Variants in ATF7IP observed in about 807,000 individuals in gnomAD.
ATF7IP encodes activating transcription factor 7-interacting protein 1.
In ATF7IP, 23 loss-of-function variants were observed where a neutral mutation model predicts 106.4. The ratio of observed to expected loss-of-function variants is 0.22; its 90% CI spans 0.16 to 0.31. The LOEUF (loss-of-function observed/expected upper bound fraction) is 0.31. Among genes scored for constraint, ATF7IP ranks in the 10% least tolerant of loss-of-function variants. The probability of loss-of-function intolerance (pLI) is 1.00; values close to 1 mark genes in which losing one functional copy is unlikely to be tolerated. For missense variants in ATF7IP, 1,334 were observed against 1,524.3 expected, an observed-to-expected ratio of 0.88 and a Z score of 2.08; for synonymous variants, 542 against 539.0, an observed-to-expected ratio of 1.01 and a Z score of -0.08.
chr12:14,423,664 A>C (rs1419518944), intron 1 of ATF7IP: 1 of 286,428 alleles, frequency 3.5e-6, no homozygotes, highest in South Asian at 1.0e-4. Flanking sequence ...GGAAAAAAAA[A>C]CTTGTCCCTT....
intron 10 of ATF7IP, among the ~76,000 whole-genome samples, chr12:14,471,334 C>T (rs1369212999): frequency 6.6e-6 from 1 of 151,970 alleles, no homozygotes; most frequent in Admixed American, 6.6e-5. Flanking sequence ...CTGATTATTG[C>T]CTTTTGCTGT....
chr12:14,472,780 C>G (rs1314023971), intron 10 of ATF7IP, among the ~76,000 whole-genome samples: 1 of 151,932 alleles, frequency 6.6e-6, no homozygotes, highest in Non-Finnish European at 1.5e-5. Context: ...GTTCAAATCT[C>G]TGTTCATCTT....
intron 5 of ATF7IP, among the ~76,000 whole-genome samples, chr12:14,444,148 A>T (rs1372527891): frequency 6.6e-6 from 1 of 152,214 alleles, no homozygotes. Flanking sequence ...ACTCTGGAAT[A>T]TAACATTCCG....
intron 1 of ATF7IP, among the ~76,000 whole-genome samples, chr12:14,423,071 T>C (rs1941619786): frequency 6.6e-6 from 1 of 152,174 alleles, no homozygotes; most frequent in Non-Finnish European, 1.5e-5. Context: ...TCTCGTTGAT[T>C]GTAGCCGTCC....
At chr12:14,470,706 A>T (rs1446024125) in intron 10 of ATF7IP, among the ~76,000 whole-genome samples, 1 of 152,352 alleles carries the variant, frequency 6.6e-6, no homozygotes, top group East Asian at 1.9e-4. Flanking sequence ...CATGTAAAGC[A>T]TTTAGCACAG....
rs1555142215 is a variant in ATF7IP at position 14,494,332 on chromosome 12, T to TC, written c.3281-1899_3281-1898insC. 4.6e-4 allele frequency among the ~76,000 whole-genome samples: 53 copies of TC among 115,762 alleles called. 1 individual carries two copies. The highest frequency in any genetic ancestry group is 7.4e-4 in the Non-Finnish European group (41 of 55,524). The allele number at this position is 115,762 out of a possible 152,430, so 75.9% of individuals were successfully genotyped here. The stretch of plus-strand genomic sequence containing the variant: ...ATATATATATATATATATATATATA[T>TC]ATGTGTGTGTGTATATGTATATATA... On this transcript the variant is annotated intron_variant, in intron 13 of 14. Coordinates refer to ENST00000261168, the MANE Select transcript of ATF7IP (RefSeq NM_018179.5).
At chr12:14,437,835 C>T (rs536714256) in intron 4 of ATF7IP, among the ~76,000 whole-genome samples, 8 of 152,154 alleles carry the variant, frequency 5.3e-5, no homozygotes, top group Admixed American at 2.0e-4. Context: ...GGGCGGATCA[C>T]GAGGTCAGGA....
At chr12:14,488,777 C>T (rs533703090) in intron 13 of ATF7IP, among the ~76,000 whole-genome samples, 11 of 152,198 alleles carry the variant, frequency 7.2e-5, no homozygotes, top group African/African-American at 1.9e-4. Flanking sequence ...CAACCAGAAG[C>T]GCACCAATCC....
chr12:14,494,960 C>T (rs1944967138), intron 13 of ATF7IP, among the ~76,000 whole-genome samples: 1 of 149,810 alleles, frequency 6.7e-6, no homozygotes, highest in African/African-American at 2.4e-5. Flanking sequence ...AAAAAAGATC[C>T]CACAGTAGGC....
intron 1 of ATF7IP, among the ~76,000 whole-genome samples, chr12:14,412,407 C>T (rs1313556261): frequency 6.6e-6 from 1 of 152,194 alleles, no homozygotes; most frequent in Non-Finnish European, 1.5e-5. Flanking sequence ...TCTTTTGATT[C>T]ATGAGTATGG....
intron 9 of ATF7IP, among the ~76,000 whole-genome samples, chr12:14,465,625 T>A (rs1053244564): frequency 1.3e-5 from 2 of 152,154 alleles, no homozygotes; most frequent in African/African-American, 4.8e-5. Context: ...TCTTTTTACT[T>A]CTGTACCCTG....
chr12:14,457,399 C>T, intron 8 of ATF7IP, 104 bp downstream of exon 8: 1 of 840,702 alleles, frequency 1.2e-6, no homozygotes, highest in Non-Finnish European at 1.8e-6. Context: ...AGAAATTGGG[C>T]ACATTGGTCT....
chr12:14,416,463 C>A (rs1332044922), intron 1 of ATF7IP, among the ~76,000 whole-genome samples: 1 of 152,098 alleles, frequency 6.6e-6, no homozygotes, highest in Admixed American at 6.5e-5. Flanking sequence ...GTTTTCTAAG[C>A]TTTTGCTTTA....
intron 6 of ATF7IP, among the ~76,000 whole-genome samples, chr12:14,453,686 G>A (rs1286811282): frequency 2.0e-5 from 3 of 151,426 alleles, no homozygotes; most frequent in Non-Finnish European, 2.9e-5. Flanking sequence ...GTGTAACGGC[G>A]CAATCTCCAC....
chr12:14,438,616 C>A (rs983201287), intron 5 of ATF7IP, among the ~76,000 whole-genome samples: 1 of 152,130 alleles, frequency 6.6e-6, no homozygotes, highest in African/African-American at 2.4e-5. Flanking sequence ...AGAAACATCA[C>A]CCTGATCTCT....
intron 1 of ATF7IP, among the ~76,000 whole-genome samples, chr12:14,423,130 T>C (rs1028086889): frequency 3.9e-5 from 6 of 152,140 alleles, no homozygotes; most frequent in African/African-American, 1.2e-4. Context: ...TGCGTTTCCC[T>C]GATGTCTCAT....
intron 1 of ATF7IP, among the ~76,000 whole-genome samples, chr12:14,384,452 C>T (rs1171126771): frequency 1.3e-5 from 2 of 152,036 alleles, no homozygotes; most frequent in African/African-American, 4.8e-5. Flanking sequence ...CCCTTCTTTC[C>T]ATCAGGGTGC....
chr12:14,438,100 G>T, intron 4 of ATF7IP, 30 bp from the exon 5 acceptor site: 1 of 1,599,974 alleles, frequency 6.3e-7, no homozygotes, highest in South Asian at 1.1e-5. Flanking sequence ...ATGCCTTCTT[G>T]GCATAATGAA....
intron 13 of ATF7IP, among the ~76,000 whole-genome samples, chr12:14,489,547 G>C (rs1221108553): frequency 1.3e-5 from 2 of 152,080 alleles, no homozygotes; most frequent in Admixed American, 6.5e-5. Flanking sequence ...CCTCTGATTC[G>C]TGGACCCATG....
Sources: allele counts gnomAD v4.1 joint callset (sites outside exome capture counted in the v4.1 genomes callset), GRCh38; gene constraint gnomAD v4.1.1; transcripts MANE v1.5; gene names NCBI Gene and HGNC (gene_info 2026-07-23, HGNC 2026-07-21).